Variants in RBFOX1 observed in about 807,000 individuals in gnomAD.
RBFOX1 encodes the protein RNA binding fox-1 homolog 1.
In RBFOX1, 8 loss-of-function variants were observed where a neutral mutation model predicts 57.7. The ratio of observed to expected loss-of-function variants is 0.14; its 90% CI spans 0.08 to 0.25. The LOEUF (loss-of-function observed/expected upper bound fraction) is 0.25, where lower values mean the gene tolerates loss of function less well. Among genes scored for constraint, RBFOX1 ranks in the 10% least tolerant of loss-of-function variants. RBFOX1 has a pLI of 1.00. For synonymous variants in RBFOX1, 326 were observed against 222.4 expected, an observed-to-expected ratio of 1.47 and a Z score of -4.15; for missense variants, 611 against 548.5, an observed-to-expected ratio of 1.11 and a Z score of -1.14.
chr16:7,645,525 G>A (rs548688863), intron 11 of RBFOX1, among the ~76,000 whole-genome samples: 1 of 152,178 alleles, frequency 6.6e-6, no homozygotes, highest in Non-Finnish European at 1.5e-5. Flanking sequence ...AGCAGCTGCA[G>A]TTCAATGGAA....
intron 6 of RBFOX1, among the ~76,000 whole-genome samples, chr16:7,580,364 C>T (rs2093660461): frequency 6.6e-6 from 1 of 152,172 alleles, no homozygotes; most frequent in Non-Finnish European, 1.5e-5. Flanking sequence ...TTCCCAGGCA[C>T]TGTGCATTTA....
chr16:5,887,667 G>C (rs1343500763), intron 4 of RBFOX1, among the ~76,000 whole-genome samples: 2 of 152,162 alleles, frequency 1.3e-5, no homozygotes, highest in Non-Finnish European at 2.9e-5. Flanking sequence ...GCCTCTGAAA[G>C]TGCTGGAATT....
chr16:7,141,198 C>T (rs1269364032), intron 4 of RBFOX1, among the ~76,000 whole-genome samples: 1 of 152,106 alleles, frequency 6.6e-6, no homozygotes, highest in African/African-American at 2.4e-5. Flanking sequence ...GGGGAGGAGG[C>T]CGGGAAATAA....
In RBFOX1 at chr16:5,551,847, G is replaced by A. The variant is rs531300478; in HGVS notation, c.259-47055G>A. 1.3e-4 allele frequency among the ~76,000 whole-genome samples: 19 copies of A among 150,502 alleles called. No homozygotes were observed. The East Asian group carries it at 3.5e-3, about 28-fold the overall frequency. On this transcript the variant is annotated intron_variant, in intron 2 of 2. Transcript: ENST00000585867. Reference sequence around the variant, plus strand: ...GATGTTCCCCTCCCTGTGTCCATGTGTTCTCGTTGTTCAACTCCCACTTAT... The same window carrying A: ...GATGTTCCCCTCCCTGTGTCCATGTATTCTCGTTGTTCAACTCCCACTTAT...
chr16:6,035,505 T>C (rs374759579), intron 1 of RBFOX1, among the ~76,000 whole-genome samples: 3 of 150,668 alleles, frequency 2.0e-5, no homozygotes, highest in Non-Finnish European at 1.5e-5. Flanking sequence ...AATTGCCTGG[T>C]AAAGTAGACT....
At chr16:7,563,078 C>T (rs1384117121) in intron 5 of RBFOX1, among the ~76,000 whole-genome samples, 1 of 152,192 alleles carries the variant, frequency 6.6e-6, no homozygotes, top group Non-Finnish European at 1.5e-5. Context: ...CTGAGGCCCT[C>T]TGAACCTCAA....
chr16:6,765,706 T>C (rs2077229889), intron 3 of RBFOX1, among the ~76,000 whole-genome samples: 1 of 152,032 alleles, frequency 6.6e-6, no homozygotes, highest in South Asian at 2.1e-4. Flanking sequence ...ATAACACAAT[T>C]CACAATTGCA....
chr16:5,800,315 A>G (rs984005620), intron 3 of RBFOX1, among the ~76,000 whole-genome samples: 1 of 152,218 alleles, frequency 6.6e-6, no homozygotes, highest in Non-Finnish European at 1.5e-5. Flanking sequence ...TTACTCATGC[A>G]TAACCATGCA....
rs2095034725 is a variant in RBFOX1, at chr16:6,019,972, C to G, written c.-147C>G. 2.0e-6 allele frequency: 3 copies of G among 1,530,296 alleles called. No individual in the cohort carries two copies. Among genetic ancestry groups the G allele is most frequent in the South Asian group, 2.4e-5 (2 of 83,580 alleles). 94.8% of individuals were successfully genotyped at this position (1,530,296 alleles called of 1,614,324 possible). ...CTGGGGCCGAGAACGTGACCGCAGCCGGGCTCGCCGGGAGTTCTAGGTAAG... is the reference window on the plus strand; with the variant it reads ...CTGGGGCCGAGAACGTGACCGCAGCGGGGCTCGCCGGGAGTTCTAGGTAAG... On this transcript the variant is annotated 5_prime_UTR_variant, in exon 1 of 16. Transcript: ENST00000550418. The surrounding 1 kb of genome is among the most constrained non-coding windows in gnomAD (Gnocchi z 4.2).
At chr16:5,325,688 C>T (rs573963189) in intron 1 of RBFOX1, among the ~76,000 whole-genome samples, 1 of 152,272 alleles carries the variant, frequency 6.6e-6, no homozygotes, top group African/African-American at 2.4e-5. Context: ...ATGTAGTATG[C>T]AACCTTTTCA....
chr16:7,396,084 C>G (rs977252709), intron 4 of RBFOX1, among the ~76,000 whole-genome samples: 19 of 152,216 alleles, frequency 1.2e-4, no homozygotes, highest in African/African-American at 4.6e-4. Flanking sequence ...CCAGGGTGCT[C>G]TCAGCTTGTA....
At chr16:6,682,920 G>A (rs1361371447) in intron 3 of RBFOX1, among the ~76,000 whole-genome samples, 2 of 148,466 alleles carry the variant, frequency 1.3e-5, no homozygotes, top group East Asian at 4.0e-4. Context: ...AACTATGAGA[G>A]CCAAAATTCA....
intron 1 of RBFOX1, among the ~76,000 whole-genome samples, chr16:6,022,101 C>G (rs2095092418): frequency 6.6e-6 from 1 of 152,144 alleles, no homozygotes; most frequent in South Asian, 2.1e-4. Context: ...GCTGCCCACC[C>G]ACTGGCCAAG....
At chr16:5,970,646 T>A (rs969005221) in intron 4 of RBFOX1, among the ~76,000 whole-genome samples, 1 of 152,204 alleles carries the variant, frequency 6.6e-6, no homozygotes, top group Non-Finnish European at 1.5e-5. Context: ...CCTGCCAGAC[T>A]GTCATGAAAG....
At chr16:5,908,113 C>CATAT (rs1156902761) in intron 4 of RBFOX1, among the ~76,000 whole-genome samples, 14 of 136,090 alleles carry the variant, frequency 1.0e-4, no homozygotes, top group African/African-American at 4.0e-4. Context: ...TATATATACA[C>CATAT]ATATATACAC....
chr16:5,339,470 G>GTTTTTTTTTTCTTTTTTTTT (rs2064983114), intron 1 of RBFOX1, among the ~76,000 whole-genome samples: 2 of 40,854 alleles, frequency 4.9e-5, no homozygotes, highest in Non-Finnish European at 9.0e-5. Context: ...CTTTTTCCGT[G>GTTTTTTTTTTCTTTTTTTTT]TTTTTTTTTT....
intron 14 of RBFOX1, among the ~76,000 whole-genome samples, chr16:7,684,747 C>T (rs181748670): frequency 6.6e-6 from 1 of 151,978 alleles, no homozygotes; most frequent in East Asian, 1.9e-4. Context: ...TTTTTTCCAC[C>T]ATTTCTGCTT....
At chr16:7,483,653 C>A (rs1044531273) in intron 4 of RBFOX1, among the ~76,000 whole-genome samples, 2 of 152,054 alleles carry the variant, frequency 1.3e-5, no homozygotes, top group African/African-American at 4.8e-5. Flanking sequence ...GCTTATTTAT[C>A]TTATAGGTTG....
chr16:7,636,031 C>A (rs1178751292), intron 11 of RBFOX1, among the ~76,000 whole-genome samples: 1 of 152,190 alleles, frequency 6.6e-6, no homozygotes, highest in African/African-American at 2.4e-5. Flanking sequence ...AGGATGATCT[C>A]AATCTCCTGA....
Sources: allele counts gnomAD v4.1 joint callset (sites outside exome capture counted in the v4.1 genomes callset), GRCh38; gene constraint gnomAD v4.1.1; non-coding constraint Gnocchi (gnomAD v3.1); transcripts MANE v1.5; gene names NCBI Gene and HGNC (gene_info 2026-07-23, HGNC 2026-07-21).